Variants in STAC observed in about 807,000 individuals in gnomAD.
The protein encoded by STAC is SH3 and cysteine-rich domain-containing protein.
In STAC, 43 loss-of-function variants were observed where a neutral mutation model predicts 48.8. The ratio of observed to expected loss-of-function variants is 0.88; its 90% CI spans 0.69 to 1.14. STAC has a LOEUF of 1.14. STAC is among the 50% of genes most tolerant of loss of function. STAC has a pLI of 0.00. For synonymous variants in STAC, 193 were observed against 179.5 expected (o/e 1.07, Z -0.60); for missense variants, 497 against 504.0 (o/e 0.99, Z 0.13).
At chr3:36,492,164 A>G (rs1698004665) in intron 5 of STAC, among the ~76,000 whole-genome samples, 1 of 148,216 alleles carries the variant, frequency 6.7e-6, no homozygotes, top group Admixed American at 6.8e-5. Flanking sequence ...AGAGGCATTC[A>G]GTGTGGTATG....
At chr3:36,429,735 T>C (rs781002705) in intron 1 of STAC, among the ~76,000 whole-genome samples, 4 of 152,148 alleles carry the variant, frequency 2.6e-5, no homozygotes, top group Non-Finnish European at 5.9e-5. Flanking sequence ...GGCCTCAGGG[T>C]CCACAGGAAC....
At chr3:36,413,569 T>C (rs1320031962) in intron 1 of STAC, among the ~76,000 whole-genome samples, 1 of 152,216 alleles carries the variant, frequency 6.6e-6, no homozygotes, top group African/African-American at 2.4e-5. Flanking sequence ...TATGTATGTC[T>C]CTGCATGTGA....
chr3:36,381,367 C>T (rs565114925), intron 1 of STAC, among the ~76,000 whole-genome samples: 4 of 152,350 alleles, frequency 2.6e-5, no homozygotes, highest in East Asian at 1.9e-4. Flanking sequence ...AAACCAAGCC[C>T]GCAGCAGTTC....
At chr3:36,395,141 A>C (rs1204503599) in intron 1 of STAC, among the ~76,000 whole-genome samples, 1 of 152,154 alleles carries the variant, frequency 6.6e-6, no homozygotes, top group Non-Finnish European at 1.5e-5. Context: ...AATCTTATGG[A>C]TAACTTTGCA....
At chr3:36,493,081 C>A in intron 5 of STAC, 70 bp from the exon 6 acceptor site, 1 of 1,473,610 alleles carries the variant, frequency 6.8e-7, no homozygotes, top group Non-Finnish European at 9.4e-7. Flanking sequence ...CTCTCTTACA[C>A]CAAAGTATCT....
At chr3:36,532,174 T>C (rs1219716822) in intron 10 of STAC, among the ~76,000 whole-genome samples, 3 of 152,330 alleles carry the variant, frequency 2.0e-5, no homozygotes, top group Middle Eastern at 3.4e-3. Context: ...GCTGCTTATA[T>C]AGATGCAATA....
At position 36,485,047 on chromosome 3, in the gene STAC, T is replaced by C; in HGVS notation, c.560T>C (p.Val187Ala). 6.2e-7 allele frequency: 1 copy of C among 1,605,110 alleles called. No individual in the cohort carries two copies. Among genetic ancestry groups the C allele is most frequent in the Non-Finnish European group, 8.5e-7 (1 of 1,175,970 alleles). Reference sequence around the variant, plus strand: ...GAACAGTTTGGCTGCATTAAAGAAGTTATGCCCATTGGTGAGTTGGGACAT... The same window carrying C: ...GAACAGTTTGGCTGCATTAAAGAAGCTATGCCCATTGGTGAGTTGGGACAT... Reference protein sequence around the residue: ...IHEQFGCIKEVMPIACGNKVD... With the variant: ...IHEQFGCIKEAMPIACGNKVD... Residue 187 changes from valine (V) to alanine (A), a missense_variant, in exon 4 of 11, where the codon GTT becomes GCT. Transcript: ENST00000273183.
chr3:36,437,683 C>G (rs570603546), intron 1 of STAC, among the ~76,000 whole-genome samples: 1 of 149,112 alleles, frequency 6.7e-6, no homozygotes, highest in Non-Finnish European at 1.5e-5. Context: ...TGCTAAATGA[C>G]GAGTTAATGG....
At chr3:36,385,451 A>T (rs1699595346) in intron 1 of STAC, among the ~76,000 whole-genome samples, 1 of 152,158 alleles carries the variant, frequency 6.6e-6, no homozygotes, top group Non-Finnish European at 1.5e-5. Context: ...TTTTATTCTC[A>T]TAACCACAGT....
intron 1 of STAC, among the ~76,000 whole-genome samples, chr3:36,424,587 TC>T (rs1479141422): frequency 6.6e-6 from 1 of 152,086 alleles, no homozygotes; most frequent in Non-Finnish European, 1.5e-5. Context: ...TAAATGCCAT[TC>T]CCCAATAAAA....
chr3:36,398,320 C>CAAGAAAGA (rs71288102), intron 1 of STAC, among the ~76,000 whole-genome samples: 4,099 of 81,946 alleles, frequency 0.05, 135 homozygotes, highest in South Asian at 0.065. Context: ...AGAAAGAAAG[C>CAAGAAAGA]AAGAAAGAAA....
At chr3:36,451,239 A>G (rs1036219399) in intron 2 of STAC, among the ~76,000 whole-genome samples, 1 of 152,100 alleles carries the variant, frequency 6.6e-6, no homozygotes, top group Non-Finnish European at 1.5e-5. Flanking sequence ...ATTACCTCTG[A>G]GAGTTTCAAA....
At chr3:36,456,532 T>C (rs1257534744) in intron 2 of STAC, among the ~76,000 whole-genome samples, 2 of 152,122 alleles carry the variant, frequency 1.3e-5, no homozygotes, top group African/African-American at 4.8e-5. Flanking sequence ...CCCTGCTGTA[T>C]AGGGACCATG....
chr3:36,460,770 T>G (rs1263381655), intron 2 of STAC, among the ~76,000 whole-genome samples: 1 of 152,152 alleles, frequency 6.6e-6, no homozygotes, highest in East Asian at 1.9e-4. Flanking sequence ...CTAATATGGT[T>G]AAAAGTCCAT....
chr3:36,398,360 AAAG>A (rs1198983022), intron 1 of STAC, among the ~76,000 whole-genome samples: 1,837 of 140,264 alleles, frequency 0.013, 77 homozygotes, highest in East Asian at 0.04. Flanking sequence ...AGAAAGAAAG[AAAG>A]AAAGAAAAGA....
chr3:36,404,898 G>T (rs1700061542), intron 1 of STAC, among the ~76,000 whole-genome samples: 3 of 151,932 alleles, frequency 2.0e-5, no homozygotes, highest in Non-Finnish European at 4.4e-5. Flanking sequence ...ATAATATACA[G>T]CTATTATATA....
At position 36,481,127 on chromosome 3, in the gene STAC, A is replaced by T. The variant is rs377017408; in HGVS notation, c.389-1865A>T. On this transcript the variant is annotated intron_variant, in intron 2 of 10. Coordinates refer to ENST00000273183, the MANE Select transcript of STAC (RefSeq NM_003149.3). ...CCAACTGAAGAGTGATGGAAACAGC[A>T]TTCCAAGCATATGAAGCAGCATGTG... 4.6e-4 allele frequency among the ~76,000 whole-genome samples: 70 copies of T among 152,332 alleles called. 2 individuals are homozygous for T. In the South Asian group the frequency reaches 0.014, roughly 30 times the overall value.
intron 2 of STAC, among the ~76,000 whole-genome samples, chr3:36,473,503 C>G (rs1004400945): frequency 2.0e-5 from 3 of 152,090 alleles, no homozygotes; most frequent in Non-Finnish European, 2.9e-5. Flanking sequence ...AGAGACGGCC[C>G]CTTCATTTTC....
chr3:36,443,686 G>T lies in STAC; in HGVS notation c.388+46G>T. On this transcript the variant is annotated intron_variant, in intron 2 of 10. Coordinates refer to ENST00000273183, the MANE Select transcript of STAC (RefSeq NM_003149.3). The surrounding 1 kb of genome is among the most constrained non-coding windows in gnomAD (Gnocchi z 4.2). ...CTCCAGATCCCAGCACCCCCGGAAA[G>T]CTGAGTGAGAGTGGTGTGCCACGGG... 6.3e-7 allele frequency: 1 copy of T among 1,593,634 alleles called. No homozygotes were observed. Among genetic ancestry groups the T allele is most frequent in the Non-Finnish European group, 8.5e-7 (1 of 1,174,558 alleles).
Sources: allele counts gnomAD v4.1 joint callset (sites outside exome capture counted in the v4.1 genomes callset), GRCh38; gene constraint gnomAD v4.1.1; non-coding constraint Gnocchi (gnomAD v3.1); transcripts MANE v1.5; gene names NCBI Gene and HGNC (gene_info 2026-07-23, HGNC 2026-07-21).